The following TMCO4 variants were observed in gnomAD, a reference collection of about 807,000 sequenced individuals.
The protein encoded by TMCO4 is transmembrane and coiled-coil domains 4.
Under a neutral mutation model 64.7 loss-of-function variants are expected in TMCO4, and 58 were observed. The observed-to-expected ratio is 0.90, with a 90% CI of 0.73 to 1.12. TMCO4 has a LOEUF of 1.12. Ranked by LOEUF, TMCO4 falls within the 50% of genes most tolerant of loss-of-function variation. TMCO4 has a pLI of 0.00. For missense variants in TMCO4, 780 were observed against 825.9 expected (o/e 0.94, Z 0.68); for synonymous variants, 325 against 346.1 (o/e 0.94, Z 0.68).
At chr1:19,762,084 A>T (rs1421581073) in intron 6 of TMCO4, among the ~76,000 whole-genome samples, 2 of 152,244 alleles carry the variant, frequency 1.3e-5, no homozygotes, top group Non-Finnish European at 2.9e-5. Flanking sequence ...CAGGTCAGAG[A>T]GTGCTGGAGC....
chr1:19,751,298 G>T (rs1274113018), intron 7 of TMCO4, among the ~76,000 whole-genome samples: 1 of 152,180 alleles, frequency 6.6e-6, no homozygotes, highest in Non-Finnish European at 1.5e-5. Flanking sequence ...GGACATGTTG[G>T]CTAAATAAAA....
rs189172094 is a variant in TMCO4 at position 19,787,526 on chromosome 1, A to G, written c.-100-409T>C. On this transcript the variant is annotated intron_variant, in intron 2 of 15. Transcript: ENST00000294543. ...GTCAGTTACATGAACCGAGGAATGA[A>G]CTAGCTTTCAGGCTTAAGCAAGAGC... Among the ~76,000 whole-genome samples the G allele has an allele frequency of 1.2e-4, 19 of 152,296 alleles. No homozygotes were observed. In the East Asian group the frequency reaches 3.3e-3, roughly 26 times the overall value.
intron 5 of TMCO4, 67 bp downstream of exon 5, chr1:19,771,241 G>T: frequency 6.5e-7 from 1 of 1,537,488 alleles, no homozygotes; most frequent in South Asian, 1.3e-5. Context: ...TGATTTTTTA[G>T]GCTAACATTG....
At position 19,770,622 on chromosome 1, in the gene TMCO4, C is replaced by T. The variant is rs75267673; in HGVS notation, c.355-53G>A. On this transcript the variant is annotated intron_variant, in intron 5 of 15. Coordinates refer to ENST00000294543, the MANE Select transcript of TMCO4 (RefSeq NM_181719.7). ...GACAAAGCTGATATACGATACAGCGCGCTCATTTGACAAATATTGACTCCT... is the reference window on the plus strand; with the variant it reads ...GACAAAGCTGATATACGATACAGCGTGCTCATTTGACAAATATTGACTCCT... The T allele has an allele frequency of 2.1e-3, 3,350 of 1,562,592 alleles. 65 individuals carry two copies. In the African/African-American group the frequency reaches 0.039, roughly 18 times the overall value.
chr1:19,695,975 C>T (rs1400372915), intron 14 of TMCO4, among the ~76,000 whole-genome samples: 1 of 152,098 alleles, frequency 6.6e-6, no homozygotes, highest in Non-Finnish European at 1.5e-5. Flanking sequence ...ATACCTGCCC[C>T]TTGTGGTCAA....
intron 4 of TMCO4, among the ~76,000 whole-genome samples, chr1:19,773,881 G>C (rs1438406315): frequency 6.6e-6 from 1 of 152,212 alleles, no homozygotes; most frequent in East Asian, 1.9e-4. Flanking sequence ...ATGGGGTTAA[G>C]AGTTGGACTC....
chr1:19,733,882 A>G (rs2095441370), intron 13 of TMCO4, among the ~76,000 whole-genome samples: 1 of 151,514 alleles, frequency 6.6e-6, no homozygotes, highest in Non-Finnish European at 1.5e-5. Flanking sequence ...ATTCAGGCAA[A>G]TCCCTACACT....
chr1:19,706,771 A>C (rs2095305306), intron 13 of TMCO4, among the ~76,000 whole-genome samples: 1 of 152,158 alleles, frequency 6.6e-6, no homozygotes, highest in South Asian at 2.1e-4. Flanking sequence ...CCGTGAAAAA[A>C]AATGTTTCTT....
In TMCO4 at chr1:19,694,522, C is replaced by T. The variant is rs1326666975; in HGVS notation, c.1412G>A (p.Arg471His). ...RGDWLLSFVY[R>H]TSSVQLRVAG... ...GACACGGAGCTGCACCGAGGATGTG[C>T]GGTACACGAAACTCAGCAGCCAGTC... Residue 471 changes from arginine (R) to histidine (H), a missense_variant, in exon 15 of 16, where the codon CGC becomes CAC. Transcript: ENST00000294543. The T allele has an allele frequency of 6.2e-6, 10 of 1,613,884 alleles. No homozygotes were observed. The highest frequency in any genetic ancestry group is 4.5e-5 in the East Asian group (2 of 44,878).
chr1:19,734,690 G>A lies in TMCO4; in HGVS notation c.1264+2682C>T, dbSNP rs371960452. Among the ~76,000 whole-genome samples the A allele has an allele frequency of 1.1e-4, 16 of 152,198 alleles. No homozygotes were observed. Among genetic ancestry groups the A allele is most frequent in the African/African-American group, 2.9e-4 (12 of 41,514 alleles). On this transcript the variant is annotated intron_variant, in intron 13 of 15. Transcript: ENST00000294543. The surrounding 1 kb of genome is among the most constrained non-coding windows in gnomAD (Gnocchi z 4.4). ...AGCCCCGCCTTTGCCCATGCTGGCC[G>A]ACCCTCTGGAATGCCCTGCCCTAGT...
rs1203455025 is a variant in TMCO4 at position 19,732,731 on chromosome 1, A to C, written c.1264+4641T>G. On this transcript the variant is annotated intron_variant, in intron 13 of 15. Coordinates refer to ENST00000294543, the MANE Select transcript of TMCO4 (RefSeq NM_181719.7). The surrounding 1 kb of genome is among the most constrained non-coding windows in gnomAD (Gnocchi z 4.8). Reference sequence around the variant, plus strand: ...CACAGGGAGACCCTGTCTTTAAAAAAATGAAGAATGTGTTTAGAGTTTTCT... The same window carrying C: ...CACAGGGAGACCCTGTCTTTAAAAACATGAAGAATGTGTTTAGAGTTTTCT... Among the ~76,000 whole-genome samples, 1 of 151,820 alleles carries C rather than the reference A, an allele frequency of 6.6e-6. No individual in the cohort carries two copies. Among genetic ancestry groups the C allele is most frequent in the Non-Finnish European group, 1.5e-5 (1 of 67,952 alleles).
chr1:19,780,587 C>G lies in TMCO4; in HGVS notation c.172G>C (p.Glu58Gln). Residue 58 changes from glutamate to glutamine, a missense_variant, in exon 4 of 16, where the codon GAA (glutamate) becomes CAA (glutamine). Physicochemically the swap from Glu to Gln is conservative, Grantham distance 29. Transcript: ENST00000294543. The stretch of plus-strand genomic sequence containing the variant: ...CAAGACAGAAGAACTCACCTGTGTT[C>G]GGGTTCAGGAAATAACTGGGACAGG... ...ISLSQLFPEP[E>Q]HSSFCTEFMA... 1 of 1,598,120 alleles carries G rather than the reference C, an allele frequency of 6.3e-7. No homozygotes were observed. The highest frequency in any genetic ancestry group is 8.5e-7 in the Non-Finnish European group (1 of 1,173,138).
At chr1:19,699,977 C>T (rs1325963409) in intron 14 of TMCO4, among the ~76,000 whole-genome samples, 5 of 152,176 alleles carry the variant, frequency 3.3e-5, no homozygotes, top group African/African-American at 7.2e-5. Flanking sequence ...GCCTCAGAAC[C>T]CAGGCCTGTG....
Position 19,745,560 on chromosome 1 carries a change from G to A in TMCO4, c.849C>T (p.Val283=). The stretch of plus-strand genomic sequence containing the variant: ...ATTTGCCAGAAGCGAGCCACCCCGT[G>A]ACGGCGATGGTGATGTGCAGCTGCC... ...EGRQLHITIA[V]TGWLASGKYR... is the part of the protein sequence containing the mutation. The change falls in exon 10 of 16, where the codon GTC becomes GTT. Residue 283 remains valine (V), a synonymous_variant. Coordinates refer to ENST00000294543, the MANE Select transcript of TMCO4 (RefSeq NM_181719.7). 1 of 1,614,152 alleles carries A rather than the reference G, an allele frequency of 6.2e-7. No individual in the cohort carries two copies. The highest frequency in any genetic ancestry group is 8.5e-7 in the Non-Finnish European group (1 of 1,180,026).
At chr1:19,705,548 A>C (rs1327705014) in intron 13 of TMCO4, among the ~76,000 whole-genome samples, 2 of 152,004 alleles carry the variant, frequency 1.3e-5, no homozygotes, top group African/African-American at 4.8e-5. Flanking sequence ...CAAAAAAAAA[A>C]ACAACTCATG....
intron 6 of TMCO4, among the ~76,000 whole-genome samples, chr1:19,762,131 C>T (rs2042532232): frequency 6.6e-6 from 1 of 152,224 alleles, no homozygotes; most frequent in African/African-American, 2.4e-5. Context: ...GCCAACATTT[C>T]TGCTCATTCC....
intron 6 of TMCO4, among the ~76,000 whole-genome samples, chr1:19,763,369 C>T (rs148066212): frequency 3.9e-4 from 59 of 152,330 alleles, no homozygotes; most frequent in African/African-American, 1.3e-3. Flanking sequence ...TGAGCCACCA[C>T]GCCGGGCCAA....
chr1:19,696,634 G>A (rs2095239224), intron 14 of TMCO4, among the ~76,000 whole-genome samples: 1 of 151,912 alleles, frequency 6.6e-6, no homozygotes, highest in African/African-American at 2.4e-5. Context: ...ATCAATTCAA[G>A]TTATTTTATT....
At chr1:19,765,594 G>A (rs2042700738) in intron 6 of TMCO4, among the ~76,000 whole-genome samples, 1 of 152,102 alleles carries the variant, frequency 6.6e-6, no homozygotes, top group Non-Finnish European at 1.5e-5. Context: ...AACATCAATT[G>A]TGTGGAGGTT....
Sources: allele counts gnomAD v4.1 joint callset (sites outside exome capture counted in the v4.1 genomes callset), GRCh38; gene constraint gnomAD v4.1.1; non-coding constraint Gnocchi (gnomAD v3.1); transcripts MANE v1.5; gene names NCBI Gene and HGNC (gene_info 2026-07-23, HGNC 2026-07-21).